The following TGM2 variants were observed in gnomAD, a reference collection of about 807,000 sequenced individuals.
TGM2 encodes protein-glutamine gamma-glutamyltransferase 2.
In TGM2, 53 loss-of-function variants were observed where a neutral mutation model predicts 75.6. That is an observed-to-expected ratio of 0.70 (90% CI 0.56 to 0.88). The LOEUF (loss-of-function observed/expected upper bound fraction) is 0.88. TGM2 is among the 40% of genes least tolerant of loss of function. TGM2 has a pLI of 0.00. For missense variants in TGM2, 842 were observed against 928.5 expected (o/e 0.91, Z 1.21); for synonymous variants, 374 against 381.1 (o/e 0.98, Z 0.22).
At position 38,155,876 on chromosome 20, in the gene TGM2, A is replaced by T. The variant is rs970505928; in HGVS notation, c.404T>A (p.Phe135Tyr). 1 of 1,602,500 alleles carries T rather than the reference A, an allele frequency of 6.2e-7. No individual in the cohort carries two copies. Among genetic ancestry groups the T allele is most frequent in the Admixed American group, 1.7e-5 (1 of 57,706 alleles). Residue 135 changes from phenylalanine (F) to tyrosine (Y), a missense_variant, in exon 3 of 13, where the codon TTC becomes TAC. Phe to Tyr is a conservative substitution (Grantham distance 22). Coordinates refer to ENST00000361475, the MANE Select transcript of TGM2 (RefSeq NM_004613.4). Reference sequence around the variant, plus strand: ...GCACCAGGCGTTGAAGAGCAAAATGAAGTGGCCCAGCACAAAGCTGGATCC... The same window carrying T: ...GCACCAGGCGTTGAAGAGCAAAATGTAGTGGCCCAGCACAAAGCTGGATCC... ...YQGSSFVLGHFILLFNAWCPA... is the reference protein window; with the variant it reads ...YQGSSFVLGHYILLFNAWCPA...
intron 1 of TGM2, 101 bp downstream of exon 1, chr20:38,165,088 T>A (rs2075296764): frequency 1.3e-6 from 2 of 1,574,946 alleles, no homozygotes; most frequent in Admixed American, 3.4e-5. Flanking sequence ...GGTCTGCCTG[T>A]TGCTCTCCAA....
At chr20:38,165,314 G>A (rs2075300115), upstream of TGM2, 2 of 1,509,882 alleles carry the variant, frequency 1.3e-6, no homozygotes, top group African/African-American at 1.4e-5. Context: ...GCTTTGGGGC[G>A]GGCCGGGGGC....
rs1199376180 is a variant in TGM2 at position 38,149,678 on chromosome 20, C to CAAAAAAAAAAAAAAAAAAAAAAAAAAAAA, written c.552+1260_552+1261insTTTTTTTTTTTTTTTTTTTTTTTTTTTTT. On this transcript the variant is annotated intron_variant, in intron 4 of 12. Transcript: ENST00000361475. The stretch of plus-strand genomic sequence containing the variant: ...TGGGCAACAGAGCGAGACTCCGCCT[C>CAAAAAAAAAAAAAAAAAAAAAAAAAAAAA]AAAAAAAAAAAAAAAAAAAAAAACA... Among the ~76,000 whole-genome samples, 25 of 40,436 alleles carry CAAAAAAAAAAAAAAAAAAAAAAAAAAAAA rather than the reference C, an allele frequency of 6.2e-4. 1 individual carries two copies. Among genetic ancestry groups the CAAAAAAAAAAAAAAAAAAAAAAAAAAAAA allele is most frequent in the South Asian group, 3.2e-3 (3 of 942 alleles). 26.5% of individuals were successfully genotyped at this position (40,436 alleles called of 152,430 possible).
At chr20:38,149,678 CAAA>C (rs1199376180) in intron 4 of TGM2, among the ~76,000 whole-genome samples, 101 of 40,436 alleles carry the variant, frequency 2.5e-3, no homozygotes, top group African/African-American at 8.7e-3. Flanking sequence ...GACTCCGCCT[CAAA>C]AAAAAAAAAA....
At chr20:38,149,692 A>AAAAACAAAAAAAAC (rs2075093551) in intron 4 of TGM2, among the ~76,000 whole-genome samples, 1 of 147,144 alleles carries the variant, frequency 6.8e-6, no homozygotes, top group African/African-American at 2.6e-5. Flanking sequence ...AAAAAAAAAA[A>AAAAACAAAAAAAAC]AAAAAAAAAC....
chr20:38,137,873 C>A, intron 10 of TGM2: 1 of 866,634 alleles, frequency 1.2e-6, no homozygotes, highest in Non-Finnish European at 1.7e-6. Flanking sequence ...AATTACTTAA[C>A]CTCTCTGTGC....
intron 4 of TGM2, among the ~76,000 whole-genome samples, chr20:38,149,809 A>G (rs2075096244): frequency 2.0e-5 from 3 of 152,178 alleles, no homozygotes; most frequent in African/African-American, 7.2e-5. Context: ...TATTTTATGC[A>G]TCACGGTCAT....
rs1555074 is a variant in TGM2 at position 38,132,800 on chromosome 20, G to C, written c.1616-300C>G. ...GAGCCACTCCACCTCCCAGGTCCTC[G>C]ATGTTTGGATCTGCGTGGCACAGGC... On this transcript the variant is annotated intron_variant, in intron 10 of 12. Transcript: ENST00000361475. 6.4e-4 allele frequency: 321 copies of C among 500,828 alleles called. 1 individual carries two copies. Among genetic ancestry groups the C allele is most frequent in the South Asian group, 1.7e-3 (108 of 64,998 alleles). The allele number at this position is 500,828 out of a possible 1,614,324, so 31.0% of individuals were successfully genotyped here. A position where few individuals can be genotyped will look rare whatever the true frequency, so the allele number is the denominator to read the frequency against.
chr20:38,131,508 C>T (rs1175262961), intron 11 of TGM2, among the ~76,000 whole-genome samples: 2 of 152,104 alleles, frequency 1.3e-5, no homozygotes, highest in African/African-American at 4.8e-5. Flanking sequence ...GGGGAAAGAT[C>T]ACAGGCTTTT....
At chr20:38,152,397 T>G (rs951616387) in intron 3 of TGM2, among the ~76,000 whole-genome samples, 4 of 152,174 alleles carry the variant, frequency 2.6e-5, no homozygotes, top group African/African-American at 9.7e-5. Flanking sequence ...GAAACTTCTA[T>G]AAAAATTAAC....
At position 38,141,386 on chromosome 20, in the gene TGM2, C is replaced by A. The variant is rs1218563883; in HGVS notation, c.996-1G>T. 1 of 1,575,568 alleles carries A rather than the reference C, an allele frequency of 6.3e-7. No homozygotes were observed. Among genetic ancestry groups the A allele is most frequent in the Non-Finnish European group, 8.6e-7 (1 of 1,159,808 alleles). On this transcript the variant is annotated splice_acceptor_variant, in intron 7 of 12. Transcript: ENST00000361475. LOFTEE classifies it high-confidence loss of function. ...CGACTCCACCCAGCAGTGGAAGTTCCTGAGGGGGATAGGGGGGCGGGAATG... is the reference window on the plus strand; with the variant it reads ...CGACTCCACCCAGCAGTGGAAGTTCATGAGGGGGATAGGGGGGCGGGAATG...
At chr20:38,144,092 G>T (rs1476957345) in intron 6 of TGM2, among the ~76,000 whole-genome samples, 1 of 152,164 alleles carries the variant, frequency 6.6e-6, no homozygotes, top group Non-Finnish European at 1.5e-5. Flanking sequence ...CCGGAGGACG[G>T]GGGAGGTCTG....
chr20:38,160,151 C>G (rs2075236949), intron 2 of TGM2, among the ~76,000 whole-genome samples: 2 of 152,208 alleles, frequency 1.3e-5, no homozygotes, highest in African/African-American at 2.4e-5. Flanking sequence ...CCATGATAAG[C>G]CTTATCAACA....
Position 38,131,203 on chromosome 20 carries a change from G to T in TGM2, c.1803C>A (p.Arg601=), listed in dbSNP as rs745652747. ...IRILGEPKQK[R]KLVAEVSLQN... is the part of the protein sequence containing the mutation. The stretch of plus-strand genomic sequence containing the variant: ...GCAGGGACACCTCAGCCACCAGCTT[G>T]CGTTTCTGCTTGGGCTCCCCAAGGA... The change falls in exon 12 of 13, where the codon CGC becomes CGA. Residue 601 remains arginine (R), a synonymous_variant. Coordinates refer to ENST00000361475, the MANE Select transcript of TGM2 (RefSeq NM_004613.4). 9 of 1,613,824 alleles carry T rather than the reference G, an allele frequency of 5.6e-6. No individual in the cohort carries two copies. Among genetic ancestry groups the T allele is most frequent in the Non-Finnish European group, 7.6e-6 (9 of 1,180,034 alleles).
intron 6 of TGM2, among the ~76,000 whole-genome samples, chr20:38,144,157 G>A (rs1320687185): frequency 9.9e-5 from 15 of 152,156 alleles, no homozygotes; most frequent in Admixed American, 9.2e-4. Context: ...GGTGTCCCGG[G>A]AGGCCTCCTC....
rs2074793586 is a variant in TGM2 at position 38,128,887 on chromosome 20, G to T, written c.*1332C>A. ...AAGGGGTAGCTGGGGTGCCAACCTT[G>T]TTGGTTAGTGACCAGCACTGGCAGC... On this transcript the variant is annotated 3_prime_UTR_variant, in exon 13 of 13. Transcript: ENST00000361475. 6.6e-6 allele frequency: 1 copy of T among 152,316 alleles called. No homozygotes were observed. Among genetic ancestry groups the T allele is most frequent in the South Asian group, 2.1e-4 (1 of 4,832 alleles). The allele number at this position is 152,316 out of a possible 1,614,324, so 9.4% of individuals were successfully genotyped here. A position where few individuals can be genotyped will look rare whatever the true frequency, so the allele number is the denominator to read the frequency against.
chr20:38,147,795 C>T (rs184678783), intron 5 of TGM2, among the ~76,000 whole-genome samples, 166 bp downstream of exon 5: 2 of 152,214 alleles, frequency 1.3e-5, no homozygotes, highest in Non-Finnish European at 2.9e-5. Context: ...CATAGCATCA[C>T]CCTCATCTGT....
At chr20:38,150,542 C>T (rs984024735) in intron 4 of TGM2, among the ~76,000 whole-genome samples, 6 of 152,228 alleles carry the variant, frequency 3.9e-5, no homozygotes, top group African/African-American at 1.2e-4. Flanking sequence ...CTGAGAACCA[C>T]TGATCTGGGT....
chr20:38,156,532 G>A lies in TGM2; in HGVS notation c.191-443C>T, dbSNP rs1044657952. Among the ~76,000 whole-genome samples, 4 of 152,186 alleles carry A rather than the reference G, an allele frequency of 2.6e-5. No individual in the cohort carries two copies. The South Asian group carries it at 6.2e-4, about 24-fold the overall frequency. ...CTGCCTACATCCTCTACCTGCTAGCGTCCCGCTTTTTCTCTCAGAGAAGGA... is the reference window on the plus strand; with the variant it reads ...CTGCCTACATCCTCTACCTGCTAGCATCCCGCTTTTTCTCTCAGAGAAGGA... On this transcript the variant is annotated intron_variant, in intron 2 of 12. Coordinates refer to ENST00000361475, the MANE Select transcript of TGM2 (RefSeq NM_004613.4).
Sources: gnomAD v4.1 joint callset for allele counts (sites outside exome capture counted in the v4.1 genomes callset) on GRCh38, gnomAD v4.1.1 for gene constraint, MANE v1.5 for transcripts, NCBI Gene and HGNC (gene_info 2026-07-23, HGNC 2026-07-21) for gene names.